Variants in C3orf33 observed in about 807,000 individuals in gnomAD.
The protein encoded by C3orf33 is mitochondrial inner membrane subdomain organizer 1.
C3orf33 carries 23 observed loss-of-function variants against 28.7 expected under a neutral mutation model. The observed-to-expected ratio is 0.80, with a 90% CI of 0.58 to 1.13. The LOEUF (loss-of-function observed/expected upper bound fraction) is 1.13. Among genes scored for constraint, C3orf33 ranks in the 50% most tolerant of loss-of-function variants. The pLI is 0.00. For missense variants in C3orf33, 327 were observed against 353.4 expected (o/e 0.93, Z 0.60); for synonymous variants, 119 against 120.5 (o/e 0.99, Z 0.08).
At chr3:155,771,465 A>G (rs1478098684) in intron 3 of C3orf33, among the ~76,000 whole-genome samples, 1 of 152,018 alleles carries the variant, frequency 6.6e-6, no homozygotes, top group African/African-American at 2.4e-5. Context: ...TATTTTTTGT[A>G]GAGACAGGGT....
chr3:155,788,001 T>A lies in C3orf33; in HGVS notation c.175-12153A>T, dbSNP rs200256527. On this transcript the variant is annotated intron_variant, in intron 2 of 4. Transcript: ENST00000340171. ...GGTCAGCAGATCAAGACCATCCTGG[T>A]TAACACGGTGAAACCCCGTCTCTAC... 1.1e-4 allele frequency among the ~76,000 whole-genome samples: 16 copies of A among 150,718 alleles called. 1 individual carries two copies. The South Asian group carries it at 3.2e-3, about 30-fold the overall frequency.
chr3:155,790,163 C>CA lies in C3orf33; in HGVS notation c.174+12368dup, dbSNP rs35285462. ...TGGGTGACAGAGTGAAACTCTGTCT[C>CA]AAAAAAAAAAAAAAAAAAAAAAAAA... On this transcript the variant is annotated intron_variant, in intron 2 of 4. Transcript: ENST00000340171. Among the ~76,000 whole-genome samples, 100 of 38,690 alleles carry CA rather than the reference C, an allele frequency of 2.6e-3. 11 individuals are homozygous for CA. Among genetic ancestry groups the CA allele is most frequent in the East Asian group, 0.017 (17 of 992 alleles). 25.4% of individuals were successfully genotyped at this position (38,690 alleles called of 152,430 possible). A position where few individuals can be genotyped will look rare whatever the true frequency, so the allele number is the denominator to read the frequency against.
In C3orf33 at chr3:155,767,622, C is replaced by T. The variant is rs780911655; in HGVS notation, c.370G>A (p.Ala124Thr). The change falls in exon 4 of 5, where the codon GCT becomes ACT. Residue 124 changes from alanine to threonine, a missense_variant. Ala to Thr is a moderately conservative substitution (Grantham distance 58). Coordinates refer to ENST00000340171, the MANE Select transcript of C3orf33 (RefSeq NM_001308229.2). ...TGTAACCATGCCTTCCCAGTTTCAG[C>T]GAGTTCTACTCCAGCCAACTTAACC... ...LLVKLAGVELAETGKAWLQKE... is the reference protein window; with the variant it reads ...LLVKLAGVELTETGKAWLQKE... The T allele has an allele frequency of 2.1e-5, 34 of 1,586,062 alleles. No individual in the cohort carries two copies. The Admixed American group carries it at 2.4e-4, about 11-fold the overall frequency.
rs143042527 is a variant in C3orf33, at chr3:155,785,230, G to A, written c.175-9382C>T. Among the ~76,000 whole-genome samples the A allele has an allele frequency of 6.3e-3, 951 of 152,144 alleles. 10 individuals are homozygous for A. The highest frequency in any genetic ancestry group is 0.022 in the African/African-American group (930 of 41,522). The stretch of plus-strand genomic sequence containing the variant: ...TAACAGACCAGCAAAAATGGTGAGA[G>A]TTGAAGGGAGAAATAGATAATTTTG... On this transcript the variant is annotated intron_variant, in intron 2 of 4. Transcript: ENST00000340171.
At chr3:155,769,424 G>T (rs115284180) in intron 3 of C3orf33, among the ~76,000 whole-genome samples, 2,936 of 149,576 alleles carry the variant, frequency 0.02, 98 homozygotes, top group African/African-American at 0.069. Context: ...GGAGGCAGAA[G>T]CTGAAGTGAG....
At chr3:155,793,218 A>G (rs1240851233) in intron 2 of C3orf33, among the ~76,000 whole-genome samples, 1 of 151,670 alleles carries the variant, frequency 6.6e-6, no homozygotes, top group Non-Finnish European at 1.5e-5. Flanking sequence ...GGCAAAAAAA[A>G]AAAAACCTGT....
chr3:155,775,674 G>T, intron 3 of C3orf33, 27 bp downstream of exon 3: 1 of 1,419,488 alleles, frequency 7.0e-7, no homozygotes, highest in Non-Finnish European at 9.6e-7. Flanking sequence ...ACAATAGTTA[G>T]TTTCATTAAT....
intron 2 of C3orf33, among the ~76,000 whole-genome samples, chr3:155,786,008 C>A (rs1000676702): frequency 4.1e-4 from 62 of 149,622 alleles, no homozygotes; most frequent in African/African-American, 1.4e-3. Context: ...CCACTGCACT[C>A]CAGCCTGTCT....
intron 2 of C3orf33, 60 bp downstream of exon 2, chr3:155,802,472 C>G: frequency 3.1e-6 from 4 of 1,291,342 alleles, no homozygotes; most frequent in Non-Finnish European, 2.2e-6. Flanking sequence ...TAAAAATTGT[C>G]TGAAATGGAA....
chr3:155,793,809 C>CAAAAAAAAAAAA (rs1176317323), intron 2 of C3orf33, among the ~76,000 whole-genome samples: 1 of 37,486 alleles, frequency 2.7e-5, no homozygotes, highest in Non-Finnish European at 6.2e-5. Flanking sequence ...GACTCTGACT[C>CAAAAAAAAAAAA]AAAAAAAAAA....
At chr3:155,793,375 A>T (rs1195726752) in intron 2 of C3orf33, among the ~76,000 whole-genome samples, 16 of 118,220 alleles carry the variant, frequency 1.4e-4, no homozygotes, top group Admixed American at 9.3e-4. Context: ...CAATCTGATT[A>T]AAAAAAAAAG....
intron 2 of C3orf33, among the ~76,000 whole-genome samples, chr3:155,783,795 T>C (rs1751015982): frequency 6.6e-6 from 1 of 152,206 alleles, no homozygotes; most frequent in South Asian, 2.1e-4. Context: ...GAGACAATAA[T>C]TAGTTTAAAA....
chr3:155,780,992 CTT>C (rs746458091), intron 2 of C3orf33, among the ~76,000 whole-genome samples: 17 of 141,050 alleles, frequency 1.2e-4, no homozygotes, highest in Admixed American at 1.4e-4. Flanking sequence ...CTCTAGACTT[CTT>C]TTTTTTTTTT....
intron 1 of C3orf33, chr3:155,805,716 C>A (rs1445905206): frequency 8.9e-6 from 4 of 448,434 alleles, no homozygotes; most frequent in Non-Finnish European, 4.5e-6. Flanking sequence ...GAGAGGAATA[C>A]CGTGTCCCTA....
chr3:155,804,175 TAA>T, intron 1 of C3orf33: 1 of 419,562 alleles, frequency 2.4e-6, no homozygotes, highest in Admixed American at 2.7e-5. Flanking sequence ...AGACTTGGTC[TAA>T]AAAAAAAGAA....
At chr3:155,782,265 C>G (rs1447144471) in intron 2 of C3orf33, among the ~76,000 whole-genome samples, 1 of 149,364 alleles carries the variant, frequency 6.7e-6, no homozygotes, top group Non-Finnish European at 1.5e-5. Context: ...TATGGAACAC[C>G]ATTAAATGAA....
intron 3 of C3orf33, among the ~76,000 whole-genome samples, chr3:155,769,519 G>T (rs1318320713): frequency 6.7e-6 from 1 of 150,348 alleles, no homozygotes; most frequent in African/African-American, 2.4e-5. Flanking sequence ...AGAAGAAAAA[G>T]GTATTTGTAG....
chr3:155,771,397 T>C (rs1352494216), intron 3 of C3orf33, among the ~76,000 whole-genome samples: 1 of 152,182 alleles, frequency 6.6e-6, no homozygotes, highest in African/African-American at 2.4e-5. Flanking sequence ...TGCTCTCGCC[T>C]CAGCCTCCCA....
chr3:155,789,877 T>G (rs145604538), intron 2 of C3orf33, among the ~76,000 whole-genome samples: 15 of 152,144 alleles, frequency 9.9e-5, no homozygotes, highest in African/African-American at 3.6e-4. Context: ...GACAGGCTTT[T>G]CAAAAATGGT....
Sources: allele counts gnomAD v4.1 joint callset (sites outside exome capture counted in the v4.1 genomes callset), GRCh38; gene constraint gnomAD v4.1.1; transcripts MANE v1.5; gene names NCBI Gene and HGNC (gene_info 2026-07-23, HGNC 2026-07-21).